TMEM132D: variants seen among roughly 807,000 people sequenced by gnomAD.
TMEM132D encodes the protein transmembrane protein 132D.
In TMEM132D, 21 loss-of-function variants were observed where a neutral mutation model predicts 62.3. The ratio of observed to expected loss-of-function variants is 0.34; its 90% CI spans 0.24 to 0.49. The LOEUF (loss-of-function observed/expected upper bound fraction) is 0.49, where lower values mean the gene tolerates loss of function less well. Ranked by LOEUF, TMEM132D falls within the 20% of genes least tolerant of loss-of-function variation. The pLI is 0.99. For missense variants in TMEM132D, 1,346 were observed against 1,402.8 expected, an observed-to-expected ratio of 0.96 and a Z score of 0.65; for synonymous variants, 621 against 575.6, an observed-to-expected ratio of 1.08 and a Z score of -1.13.
intron 2 of TMEM132D, among the ~76,000 whole-genome samples, chr12:129,592,271 C>T (rs1878208947): frequency 6.6e-6 from 1 of 152,184 alleles, no homozygotes; most frequent in South Asian, 2.1e-4. Context: ...ATGGTTCTCT[C>T]TTCCCAGGTT....
intron 3 of TMEM132D, among the ~76,000 whole-genome samples, chr12:129,356,096 A>G (rs879748373): frequency 6.6e-6 from 1 of 151,044 alleles, no homozygotes; most frequent in Admixed American, 6.6e-5. Flanking sequence ...TTCATAAATC[A>G]GTTGCACACA....
At chr12:129,176,029 A>G (rs760764013) in intron 5 of TMEM132D, among the ~76,000 whole-genome samples, 4 of 152,196 alleles carry the variant, frequency 2.6e-5, no homozygotes, top group Non-Finnish European at 5.9e-5. Flanking sequence ...TCCAGTGAAC[A>G]CACTGGTCAT....
At chr12:129,595,996 A>G (rs1007942408) in intron 2 of TMEM132D, among the ~76,000 whole-genome samples, 2 of 152,242 alleles carry the variant, frequency 1.3e-5, no homozygotes, top group African/African-American at 4.8e-5. Flanking sequence ...AAAGGAATCA[A>G]TAAGTTCAAA....
intron 1 of TMEM132D, among the ~76,000 whole-genome samples, chr12:129,880,474 T>C (rs1010075542): frequency 6.6e-5 from 10 of 152,166 alleles, no homozygotes; most frequent in African/African-American, 2.4e-4. Flanking sequence ...ATCCATTTTG[T>C]CTTATCTTGA....
At chr12:129,885,847 C>A (rs1328444895) in intron 1 of TMEM132D, among the ~76,000 whole-genome samples, 1 of 152,158 alleles carries the variant, frequency 6.6e-6, no homozygotes, top group African/African-American at 2.4e-5. Context: ...TTATAAAACC[C>A]ATGAAAAACT....
intron 2 of TMEM132D, among the ~76,000 whole-genome samples, chr12:129,642,645 A>C (rs750917535): frequency 1.3e-5 from 2 of 152,210 alleles, no homozygotes; most frequent in Non-Finnish European, 2.9e-5. Context: ...TTACTATAAA[A>C]TGTGCAAATT....
At chr12:129,149,515 C>G (rs1435572172) in intron 5 of TMEM132D, among the ~76,000 whole-genome samples, 1 of 152,310 alleles carries the variant, frequency 6.6e-6, no homozygotes, top group South Asian at 2.1e-4. Context: ...ACTCATCGGA[C>G]AGTCAGACAT....
chr12:129,273,573 A>C (rs528590392), intron 4 of TMEM132D, among the ~76,000 whole-genome samples: 2 of 152,004 alleles, frequency 1.3e-5, no homozygotes, highest in East Asian at 3.9e-4. Flanking sequence ...GCACAATGGA[A>C]TATTATGCAG....
intron 5 of TMEM132D, among the ~76,000 whole-genome samples, chr12:129,188,200 C>T (rs1289441272): frequency 6.6e-6 from 1 of 152,172 alleles, no homozygotes; most frequent in Non-Finnish European, 1.5e-5. Context: ...TGAGACAAGG[C>T]CCCACAAGCC....
chr12:129,123,080 AC>A (rs1165532614), intron 5 of TMEM132D, among the ~76,000 whole-genome samples: 1 of 152,190 alleles, frequency 6.6e-6, no homozygotes, highest in Non-Finnish European at 1.5e-5. Flanking sequence ...GCAGAAAGGA[AC>A]TTTTCTAAAC....
At chr12:129,243,998 T>TG (rs1054197684) in intron 4 of TMEM132D, among the ~76,000 whole-genome samples, 12 of 152,034 alleles carry the variant, frequency 7.9e-5, no homozygotes, top group African/African-American at 2.9e-4. Flanking sequence ...GAAGTGCGTT[T>TG]GGGGGGTTCT....
Position 129,073,856 on chromosome 12 carries a change from ATGTC to A in TMEM132D, c.*15_*18del. 6.6e-7 allele frequency: 1 copy of A among 1,516,102 alleles called. No homozygotes were observed. The highest frequency in any genetic ancestry group is 8.8e-7 in the Non-Finnish European group (1 of 1,132,444). 93.9% of individuals were successfully genotyped at this position (1,516,102 alleles called of 1,614,324 possible). Reference sequence around the variant, plus strand: ...AAGGCTGAAAGGTGAGTGAGAACCAATGTCTGTGTGTGTCTGGCTTACACATTTT... The same window carrying A: ...AAGGCTGAAAGGTGAGTGAGAACCAATGTGTGTGTCTGGCTTACACATTTT... On this transcript the variant is annotated 3_prime_UTR_variant, in exon 9 of 9. Transcript: ENST00000422113.
At chr12:129,165,342 T>G (rs1877513048) in intron 5 of TMEM132D, among the ~76,000 whole-genome samples, 1 of 152,204 alleles carries the variant, frequency 6.6e-6, no homozygotes, top group African/African-American at 2.4e-5. Flanking sequence ...TTAAGATTTG[T>G]GCATTTCATG....
intron 3 of TMEM132D, among the ~76,000 whole-genome samples, chr12:129,432,393 T>C (rs1255329533): frequency 1.3e-5 from 2 of 152,148 alleles, no homozygotes; most frequent in African/African-American, 2.4e-5. Flanking sequence ...TTTACTATAA[T>C]GTGAGCTCCA....
At chr12:129,740,495 C>T (rs997458545) in intron 1 of TMEM132D, among the ~76,000 whole-genome samples, 1 of 152,148 alleles carries the variant, frequency 6.6e-6, no homozygotes, top group African/African-American at 2.4e-5. Context: ...TTATTCTTCT[C>T]TCATGATACA....
At chr12:129,183,360 CATT>C (rs1878119727) in intron 5 of TMEM132D, among the ~76,000 whole-genome samples, 1 of 152,228 alleles carries the variant, frequency 6.6e-6, no homozygotes, top group Non-Finnish European at 1.5e-5. Context: ...GCTCATCCGT[CATT>C]ATCTTCTGCC....
intron 1 of TMEM132D, among the ~76,000 whole-genome samples, chr12:129,878,941 TC>T (rs1310722561): frequency 1.3e-5 from 2 of 152,220 alleles, no homozygotes; most frequent in East Asian, 3.9e-4. Flanking sequence ...CACCATCTCC[TC>T]CCTCTGCCCT....
intron 2 of TMEM132D, among the ~76,000 whole-genome samples, chr12:129,580,730 A>AAAT (rs1877827372): frequency 3.2e-5 from 4 of 124,450 alleles, no homozygotes; most frequent in Admixed American, 2.3e-4. Context: ...TAAGTAAATA[A>AAAT]AAATAAATAA....
chr12:129,183,098 T>G (rs1424517358), intron 5 of TMEM132D, among the ~76,000 whole-genome samples: 1 of 152,138 alleles, frequency 6.6e-6, no homozygotes, highest in Non-Finnish European at 1.5e-5. Flanking sequence ...TTACCAAACC[T>G]CTGGTTGCAT....
Sources: allele counts gnomAD v4.1 joint callset (sites outside exome capture counted in the v4.1 genomes callset), GRCh38; gene constraint gnomAD v4.1.1; transcripts MANE v1.5; gene names NCBI Gene and HGNC (gene_info 2026-07-23, HGNC 2026-07-21).